The following DCAF7 variants were observed in gnomAD, a reference collection of about 807,000 sequenced individuals.
DCAF7 encodes DDB1 and CUL4 associated factor 7.
In DCAF7, 4 loss-of-function variants were observed where a neutral mutation model predicts 41.2. That is an observed-to-expected ratio of 0.10 (90% confidence interval 0.05 to 0.22). The LOEUF (loss-of-function observed/expected upper bound fraction) is 0.22, where lower values mean the gene tolerates loss of function less well. Among genes scored for constraint, DCAF7 ranks in the 10% least tolerant of loss-of-function variants. The probability of loss-of-function intolerance (pLI) is 1.00; values close to 1 mark genes in which losing one functional copy is unlikely to be tolerated. For missense variants in DCAF7, 131 were observed against 443.2 expected (o/e 0.30, Z 6.32); for synonymous variants, 143 against 164.2 (o/e 0.87, Z 0.99).
intron 1 of DCAF7, among the ~76,000 whole-genome samples, chr17:63,563,246 A>G (rs1276752320): frequency 6.6e-6 from 1 of 152,256 alleles, no homozygotes; most frequent in Non-Finnish European, 1.5e-5. Context: ...ATCAGTAAAC[A>G]GGAAAAATGC....
chr17:63,587,482 T>A (rs1274231759), intron 6 of DCAF7, among the ~76,000 whole-genome samples: 1 of 152,162 alleles, frequency 6.6e-6, no homozygotes, highest in African/African-American at 2.4e-5. Context: ...TTGTTTTGTG[T>A]GTTGCACCTG....
At chr17:63,566,812 G>A (rs1367339861) in intron 1 of DCAF7, among the ~76,000 whole-genome samples, 1 of 152,058 alleles carries the variant, frequency 6.6e-6, no homozygotes, top group Non-Finnish European at 1.5e-5. Flanking sequence ...CTGAAGGATC[G>A]CCTGAGCAGG....
intron 1 of DCAF7, among the ~76,000 whole-genome samples, chr17:63,558,358 C>T (rs2033333135): frequency 6.6e-6 from 1 of 152,108 alleles, no homozygotes. Flanking sequence ...GTAGATTGTG[C>T]TGCTATAAAT....
At chr17:63,559,361 ATGTATATATATATG>A (rs2033348130) in intron 1 of DCAF7, among the ~76,000 whole-genome samples, 1 of 119,490 alleles carries the variant, frequency 8.4e-6, no homozygotes, top group Admixed American at 8.6e-5. Flanking sequence ...ATATATATGT[ATGTATATATATATG>A]TGTATATATA....
At position 63,555,189 on chromosome 17, in the gene DCAF7, T is replaced by A. The variant is rs541255337; in HGVS notation, c.138+4374T>A. The stretch of plus-strand genomic sequence containing the variant: ...TTCCTGGGCTTCTGTTCCACTTAAG[T>A]GCATGTTTCAGGGTTGGTTTTGATA... On this transcript the variant is annotated intron_variant, in intron 1 of 6. Transcript: ENST00000614556. Among the ~76,000 whole-genome samples the A allele has an allele frequency of 4.6e-5, 7 of 152,338 alleles. No homozygotes were observed. In the East Asian group the frequency reaches 9.6e-4, roughly 21 times the overall value.
chr17:63,550,494 T>A lies in DCAF7; in HGVS notation c.-184T>A. On this transcript the variant is annotated 5_prime_UTR_variant, in exon 1 of 7. Transcript: ENST00000614556. The surrounding 1 kb of genome is among the most constrained non-coding windows in gnomAD (Gnocchi z 4.8). Reference sequence around the variant, plus strand: ...AGGTGGTTGTCGTCCGTTCCCAAGCTGGTTTGAAACTAGGGGTCGGGCTCG... The same window carrying A: ...AGGTGGTTGTCGTCCGTTCCCAAGCAGGTTTGAAACTAGGGGTCGGGCTCG... 1 of 975,142 alleles carries A rather than the reference T, an allele frequency of 1.0e-6. No individual in the cohort carries two copies. Among genetic ancestry groups the A allele is most frequent in the Non-Finnish European group, 1.4e-6 (1 of 695,192 alleles). The allele number at this position is 975,142 out of a possible 1,614,324, so 60.4% of individuals were successfully genotyped here.
chr17:63,579,722 A>G (rs1046978682), intron 3 of DCAF7, 103 bp from the exon 4 acceptor site: 10 of 1,003,412 alleles, frequency 1.0e-5, no homozygotes, highest in African/African-American at 8.2e-5. Flanking sequence ...TGTAGTCTTT[A>G]TGGTATGCTG....
chr17:63,558,218 G>A (rs73994312), intron 1 of DCAF7, among the ~76,000 whole-genome samples: 9,044 of 152,138 alleles, frequency 0.059, 840 homozygotes, highest in African/African-American at 0.2. Context: ...TATGTTTTAA[G>A]GATGAAGAAA....
At chr17:63,555,790 TA>T (rs753048032) in intron 1 of DCAF7, among the ~76,000 whole-genome samples, 51 of 151,864 alleles carry the variant, frequency 3.4e-4, no homozygotes, top group East Asian at 1.5e-3. Context: ...GATAATGCTT[TA>T]AAAAAAAATG....
intron 1 of DCAF7, among the ~76,000 whole-genome samples, chr17:63,555,473 A>T (rs2033300448): frequency 6.6e-6 from 1 of 152,188 alleles, no homozygotes; most frequent in Non-Finnish European, 1.5e-5. Context: ...TGTTTGATGC[A>T]TAATTATTTC....
At position 63,589,428 on chromosome 17, in the gene DCAF7, T is replaced by C. The variant is rs2033711834; in HGVS notation, c.*256T>C. ...CTCTCCTTTCCTCTTCTCCTTTGGT[T>C]CCTCAATTAAAAAATGTGTGTATAT... On this transcript the variant is annotated 3_prime_UTR_variant, in exon 7 of 7. Transcript: ENST00000614556. The C allele has an allele frequency of 5.7e-6, 3 of 530,726 alleles. No homozygotes were observed. 32.9% of individuals were successfully genotyped at this position (530,726 alleles called of 1,614,324 possible). A position where few individuals can be genotyped will look rare whatever the true frequency, so the allele number is the denominator to read the frequency against.
intron 1 of DCAF7, among the ~76,000 whole-genome samples, chr17:63,569,318 C>G (rs1027578269): frequency 2.7e-5 from 4 of 149,912 alleles, no homozygotes; most frequent in African/African-American, 9.9e-5. Flanking sequence ...CCATTTTTGG[C>G]TTTAACCTAC....
rs1598039413 is a variant in DCAF7 at position 63,589,001 on chromosome 17, G to A, written c.858G>A (p.Ala286=). Reference sequence around the variant, plus strand: ...CTTGCTGGCTTTCTTTGTCCCTAGCGGATGACCACCAGGCTCTCATCTGGG... The same window carrying A: ...CTTGCTGGCTTTCTTTGTCCCTAGCAGATGACCACCAGGCTCTCATCTGGG... ...PHSSCHICTA[A]DDHQALIWDI... The change falls in exon 7 of 7, where the codon GCG becomes GCA. Residue 286 remains alanine (A), a splice_region_variant and synonymous_variant. Coordinates refer to ENST00000614556, the MANE Select transcript of DCAF7 (RefSeq NM_005828.5). 1.9e-6 allele frequency: 3 copies of A among 1,608,524 alleles called. No homozygotes were observed. Among genetic ancestry groups the A allele is most frequent in the Non-Finnish European group, 2.6e-6 (3 of 1,176,260 alleles).
In DCAF7 at chr17:63,565,930, GTC is replaced by G. The variant is rs556965923; in HGVS notation, c.139-12536_139-12535del. 3.9e-5 allele frequency among the ~76,000 whole-genome samples: 6 copies of G among 152,110 alleles called. No homozygotes were observed. The South Asian group carries it at 1.2e-3, about 32-fold the overall frequency. On this transcript the variant is annotated intron_variant, in intron 1 of 6. Coordinates refer to ENST00000614556, the MANE Select transcript of DCAF7 (RefSeq NM_005828.5). ...AGCCTGATCAACATGGCGAAACCCTGTCTCTACTAAAAATACAAAAATTAGCT... is the reference window on the plus strand; with the variant it reads ...AGCCTGATCAACATGGCGAAACCCTGTCTACTAAAAATACAAAAATTAGCT...
In DCAF7 at chr17:63,578,630, T is replaced by TA. The variant is rs767102341; in HGVS notation, c.297+4dup. 1 of 1,613,936 alleles carries TA rather than the reference T, an allele frequency of 6.2e-7. No individual in the cohort carries two copies. ...GGTGACTATCTCCGTGTGTGGAGGGTAAGCGGATGCTTTATTAGCAGCCAG... is the reference window on the plus strand; with the variant it reads ...GGTGACTATCTCCGTGTGTGGAGGGTAAAGCGGATGCTTTATTAGCAGCCAG... On this transcript the variant is annotated splice_region_variant and intron_variant, in intron 2 of 6. Transcript: ENST00000614556.
chr17:63,557,307 GA>G (rs1440036744), intron 1 of DCAF7, among the ~76,000 whole-genome samples: 1 of 152,098 alleles, frequency 6.6e-6, no homozygotes, highest in African/African-American at 2.4e-5. Flanking sequence ...GAAAGTAGTG[GA>G]AGAGAAAACT....
chr17:63,557,970 A>G (rs897833123), intron 1 of DCAF7, among the ~76,000 whole-genome samples: 21 of 152,004 alleles, frequency 1.4e-4, no homozygotes, highest in Non-Finnish European at 1.6e-4. Context: ...ATCCCAGCTC[A>G]CTGCACTCTT....
At chr17:63,561,345 TAGAA>T (rs2033378484) in intron 1 of DCAF7, among the ~76,000 whole-genome samples, 2 of 152,168 alleles carry the variant, frequency 1.3e-5, no homozygotes, top group Non-Finnish European at 2.9e-5. Context: ...AGCGTTTAAA[TAGAA>T]AGCAAAAATT....
At chr17:63,571,938 A>G (rs139739518) in intron 1 of DCAF7, among the ~76,000 whole-genome samples, 1 of 152,000 alleles carries the variant, frequency 6.6e-6, no homozygotes, top group East Asian at 1.9e-4. Context: ...AAGTTGGAAA[A>G]CCATTGCTGT....
Sources: gnomAD v4.1 joint callset for allele counts (sites outside exome capture counted in the v4.1 genomes callset) on GRCh38, gnomAD v4.1.1 for gene constraint, Gnocchi (gnomAD v3.1) non-coding constraint, MANE v1.5 for transcripts, NCBI Gene and HGNC (gene_info 2026-07-23, HGNC 2026-07-21) for gene names.